SH3TC1: variants seen among roughly 807,000 people sequenced by gnomAD.
SH3TC1 encodes the protein SH3 domain and tetratricopeptide repeats 1, also known as SH3 domain and tetratricopeptide repeat-containing protein 1.
Under a neutral mutation model 117.3 loss-of-function variants are expected in SH3TC1, and 135 were observed. The ratio of observed to expected loss-of-function variants is 1.15; its 90% CI spans 1.00 to 1.33. SH3TC1 has a LOEUF of 1.33. Ranked by LOEUF, SH3TC1 falls within the 40% of genes most tolerant of loss-of-function variation. The pLI is 0.00. For synonymous variants in SH3TC1, 898 were observed against 816.9 expected (o/e 1.10, Z -1.69); for missense variants, 2,092 against 1,794.3 (o/e 1.17, Z -3.00).
At chr4:8,229,027 T>C (rs1475640005) in intron 12 of SH3TC1, 2 of 213,434 alleles carry the variant, frequency 9.4e-6, no homozygotes, top group Non-Finnish European at 1.9e-5. Flanking sequence ...ACGCCGGTGC[T>C]TGTGCCCATG....
Position 8,219,518 on chromosome 4 carries a change from GC to G in SH3TC1, c.1104del (p.Val369CysfsTer32). The G allele has an allele frequency of 1.3e-6, 2 of 1,567,794 alleles. No homozygotes were observed. The highest frequency in any genetic ancestry group is 1.7e-6 in the Non-Finnish European group (2 of 1,150,544). On this transcript the variant is annotated frameshift_variant, in exon 9 of 18. Transcript: ENST00000245105. LOFTEE classifies it high-confidence loss of function. ...CGGAGCAGCCTCATCAGCATGCAGG[GC>G]CCCGTGTCCGAGTGAGTGGCTGGAG... ...FVRSSLISMQ[G>X]PVSELESAIF...
intron 3 of SH3TC1, among the ~76,000 whole-genome samples, chr4:8,211,336 C>CCCTCTTCCTT (rs1718682313): frequency 4.6e-5 from 1 of 21,710 alleles, no homozygotes; most frequent in Non-Finnish European, 1.1e-4. Context: ...CCGGTGTCTC[C>CCCTCTTCCTT]CCTCTCCCCC....
intron 1 of SH3TC1, among the ~76,000 whole-genome samples, chr4:8,189,580 C>G (rs1304117871): frequency 6.6e-6 from 1 of 152,146 alleles, no homozygotes; most frequent in African/African-American, 2.4e-5. Flanking sequence ...GTGAGGCTGG[C>G]AAGGATGGCT....
At chr4:8,219,745 C>G (rs1578697898) in intron 9 of SH3TC1, among the ~76,000 whole-genome samples, 1 of 152,204 alleles carries the variant, frequency 6.6e-6, no homozygotes, top group South Asian at 2.1e-4. Context: ...GCAGGGAGAG[C>G]GTTCCCTCGA....
At position 8,228,497 on chromosome 4, in the gene SH3TC1, A is replaced by G; in HGVS notation, c.2803A>G (p.Arg935Gly). Residue 935 changes from arginine to glycine, a missense_variant, in exon 12 of 18, where the codon AGG becomes GGG. Transcript: ENST00000245105. ...YLLEAVRLFS[R>G]LPLGECGRDF... ...CCTGGAGGCCGTGCGGCTGTTCTCG[A>G]GGCTGCCCCTTGGGGAGTGTGGCCG... The G allele has an allele frequency of 6.2e-7, 1 of 1,611,452 alleles. No individual in the cohort carries two copies. The highest frequency in any genetic ancestry group is 8.5e-7 in the Non-Finnish European group (1 of 1,179,508).
intron 1 of SH3TC1, among the ~76,000 whole-genome samples, chr4:8,202,451 G>T (rs555518071): frequency 6.6e-6 from 1 of 152,342 alleles, no homozygotes; most frequent in South Asian, 2.1e-4. Context: ...ACTCCTGGGC[G>T]AACAGCTTCC....
chr4:8,196,520 G>A (rs1214054994), upstream of SH3TC1, among the ~76,000 whole-genome samples: 1 of 152,170 alleles, frequency 6.6e-6, no homozygotes, highest in Non-Finnish European at 1.5e-5. This position sits in a 1 kb window ranked among gnomAD's most constrained non-coding sequence, Gnocchi z 4.6. Context: ...TGGAGGAGAG[G>A]TGGGTGCCCA....
intron 3 of SH3TC1, among the ~76,000 whole-genome samples, chr4:8,211,567 G>T (rs1718733665): frequency 7.4e-6 from 1 of 135,458 alleles, no homozygotes; most frequent in African/African-American, 2.7e-5. Context: ...TTCTCCCTTG[G>T]GGCAGCCATG....
upstream of SH3TC1, among the ~76,000 whole-genome samples, chr4:8,197,364 A>G (rs1678261): frequency 0.98 from 148,723 of 152,290 alleles, 72,682 homozygotes; most frequent in East Asian, 1. Context: ...TTTGTGGCAC[A>G]CAGTTGTGGC....
chr4:8,190,050 G>A lies in SH3TC1; in HGVS notation c.-57+7840G>A, dbSNP rs560166736. ...GCGCGGCGTGGGTGCGTTGATGCGAGGCCAGGAAGTAGGGCCTGGAAAGTA... is the reference window on the plus strand; with the variant it reads ...GCGCGGCGTGGGTGCGTTGATGCGAAGCCAGGAAGTAGGGCCTGGAAAGTA... On this transcript the variant is annotated intron_variant, in intron 1 of 16. Coordinates refer to the SH3TC1 transcript ENST00000508641. The surrounding 1 kb of genome is among the most constrained non-coding windows in gnomAD (Gnocchi z 4.7). 5.9e-5 allele frequency among the ~76,000 whole-genome samples: 9 copies of A among 152,212 alleles called. No individual in the cohort carries two copies. The highest frequency in any genetic ancestry group is 1.3e-4 in the Non-Finnish European group (9 of 68,032).
chr4:8,205,036 G>T lies in SH3TC1; in HGVS notation c.-28-131G>T. 1 of 661,202 alleles carries T rather than the reference G, an allele frequency of 1.5e-6. No individual in the cohort carries two copies. The highest frequency in any genetic ancestry group is 2.4e-6 in the Non-Finnish European group (1 of 417,038). 41.0% of individuals were successfully genotyped at this position (661,202 alleles called of 1,614,324 possible). The stretch of plus-strand genomic sequence containing the variant: ...AACACGGTGCACGGTGCGGTGAGGG[G>T]CTCGCTGGATCTGAAAGGTGCAGGC... On this transcript the variant is annotated intron_variant, in intron 1 of 17. Coordinates refer to ENST00000245105, the MANE Select transcript of SH3TC1 (RefSeq NM_018986.5). This position sits in a 1 kb window ranked among gnomAD's most constrained non-coding sequence, Gnocchi z 5.4.
upstream of SH3TC1, among the ~76,000 whole-genome samples, chr4:8,194,623 G>C (rs1717505982): frequency 6.6e-6 from 1 of 152,218 alleles, no homozygotes; most frequent in Non-Finnish European, 1.5e-5. Flanking sequence ...TAAAAGGCAG[G>C]TGGGGAGATG....
In SH3TC1 at chr4:8,237,528, G is replaced by A. The variant is rs373290723; in HGVS notation, c.3611G>A (p.Arg1204Gln). 9.1e-5 allele frequency: 147 copies of A among 1,608,094 alleles called. No individual in the cohort carries two copies. Among genetic ancestry groups the A allele is most frequent in the Middle Eastern group, 1.7e-4 (1 of 5,860 alleles). ...AYHRLAALQHRLGHGELAEHF... is the reference protein window; with the variant it reads ...AYHRLAALQHQLGHGELAEHF... The stretch of plus-strand genomic sequence containing the variant: ...CACCGGCTGGCCGCCCTGCAACACC[G>A]ACTGGGCCATGGCGAGCTGGCAGAG... Residue 1204 changes from arginine to glutamine, a missense_variant, in exon 17 of 18, where the codon CGA becomes CAA. Coordinates refer to ENST00000245105, the MANE Select transcript of SH3TC1 (RefSeq NM_018986.5).
At chr4:8,239,934 G>T (rs1259522190) in intron 17 of SH3TC1, among the ~76,000 whole-genome samples, 1 of 152,246 alleles carries the variant, frequency 6.6e-6, no homozygotes, top group Non-Finnish European at 1.5e-5. Flanking sequence ...TCGCACCCCT[G>T]CCCTGTGTGT....
At position 8,225,757 on chromosome 4, in the gene SH3TC1, C is replaced by A. The variant is rs1268423460; in HGVS notation, c.1285+541C>A. On this transcript the variant is annotated intron_variant, in intron 11 of 17. Transcript: ENST00000245105. This position sits in a 1 kb window ranked among gnomAD's most constrained non-coding sequence, Gnocchi z 5.5. Reference sequence around the variant, plus strand: ...GGGGAGAGCCTGGGGATGTGGACACCCCAAGAGCCCTCGGAAGTTCCCTGG... The same window carrying A: ...GGGGAGAGCCTGGGGATGTGGACACACCAAGAGCCCTCGGAAGTTCCCTGG... 2.6e-5 allele frequency among the ~76,000 whole-genome samples: 4 copies of A among 152,142 alleles called. No individual in the cohort carries two copies. The highest frequency in any genetic ancestry group is 9.7e-5 in the African/African-American group (4 of 41,428).
chr4:8,228,158 C>G lies in SH3TC1; in HGVS notation c.2464C>G (p.Arg822Gly). 1 of 1,612,064 alleles carries G rather than the reference C, an allele frequency of 6.2e-7. No individual in the cohort carries two copies. Among genetic ancestry groups the G allele is most frequent in the South Asian group, 1.1e-5 (1 of 90,934 alleles). Residue 822 changes from arginine (R) to glycine (G), a missense_variant, in exon 12 of 18, where the codon CGT becomes GGT. Transcript: ENST00000245105. ...AVEASAIAGVRAIVDHLVALA... is the reference protein window; with the variant it reads ...AVEASAIAGVGAIVDHLVALA... The stretch of plus-strand genomic sequence containing the variant: ...GGAAGCCAGTGCTATTGCCGGAGTC[C>G]GTGCCATCGTGGACCACCTGGTGGC...
chr4:8,231,779 G>A (rs1721242462), intron 12 of SH3TC1, 197 bp from the exon 13 acceptor site: 2 of 618,858 alleles, frequency 3.2e-6, no homozygotes, highest in African/African-American at 3.7e-5. Context: ...CCTGGGAGTT[G>A]TAAAGAAGGC....
At chr4:8,234,121 C>G (rs1721550719) in intron 14 of SH3TC1, among the ~76,000 whole-genome samples, 1 of 151,358 alleles carries the variant, frequency 6.6e-6, no homozygotes, top group African/African-American at 2.4e-5. Context: ...GTTGATCCTT[C>G]CATCATCCAT....
At chr4:8,218,130 G>A in intron 7 of SH3TC1, 141 bp from the exon 8 acceptor site, 1 of 570,268 alleles carries the variant, frequency 1.8e-6, no homozygotes. Context: ...GTGTGTGTGT[G>A]TGTGTGCACG....
Sources: allele counts gnomAD v4.1 joint callset (sites outside exome capture counted in the v4.1 genomes callset), GRCh38; gene constraint gnomAD v4.1.1; non-coding constraint Gnocchi (gnomAD v3.1); transcripts MANE v1.5; gene names NCBI Gene and HGNC (gene_info 2026-07-23, HGNC 2026-07-21).